Variants in ZNF804B observed in about 807,000 individuals in gnomAD.
ZNF804B encodes the protein zinc finger 804B.
A neutral mutation model predicts 101.4 loss-of-function variants in ZNF804B; 80 were observed. The ratio of observed to expected loss-of-function variants is 0.79; its 90% CI spans 0.66 to 0.95. The LOEUF is 0.95. Among genes scored for constraint, ZNF804B ranks in the 40% least tolerant of loss-of-function variants. The probability of loss-of-function intolerance (pLI) is 0.00; values close to 1 mark genes in which losing one functional copy is unlikely to be tolerated. For missense variants in ZNF804B, 1,673 were observed against 1,561.9 expected, an observed-to-expected ratio of 1.07 and a Z score of -1.20; for synonymous variants, 622 against 558.8, an observed-to-expected ratio of 1.11 and a Z score of -1.59.
At chr7:88,879,496 T>C (rs1792000623) in intron 1 of ZNF804B, among the ~76,000 whole-genome samples, 1 of 152,126 alleles carries the variant, frequency 6.6e-6, no homozygotes, top group African/African-American at 2.4e-5. Context: ...TCAAGAAGTA[T>C]GGAATTTATG....
intron 1 of ZNF804B, among the ~76,000 whole-genome samples, chr7:89,035,914 T>A (rs899946638): frequency 1.4e-5 from 2 of 145,138 alleles, no homozygotes; most frequent in Non-Finnish European, 3.0e-5. Flanking sequence ...ATTTATATAT[T>A]ATATATAATA....
intron 1 of ZNF804B, among the ~76,000 whole-genome samples, chr7:89,030,830 AG>A (rs1274836500): frequency 2.0e-5 from 3 of 152,072 alleles, no homozygotes; most frequent in Admixed American, 6.6e-5. Context: ...GTTTTAATGA[AG>A]TGTGGTTTCT....
chr7:89,117,813 G>A lies in ZNF804B; in HGVS notation c.109-100342G>A, dbSNP rs147132671. Reference sequence around the variant, plus strand: ...TTTATTTCATAGCTGGCATATAAATGTAAAACCACACTTTGAAACTTTAAA... The same window carrying A: ...TTTATTTCATAGCTGGCATATAAATATAAAACCACACTTTGAAACTTTAAA... On this transcript the variant is annotated intron_variant, in intron 1 of 3. Coordinates refer to ENST00000333190, the MANE Select transcript of ZNF804B (RefSeq NM_181646.5). 8.1e-3 allele frequency among the ~76,000 whole-genome samples: 1,234 copies of A among 152,278 alleles called. 23 individuals carry two copies. The highest frequency in any genetic ancestry group is 0.028 in the African/African-American group (1,175 of 41,570).
intron 1 of ZNF804B, among the ~76,000 whole-genome samples, chr7:89,072,685 A>G (rs1030090232): frequency 1.3e-5 from 2 of 152,170 alleles, no homozygotes; most frequent in Admixed American, 1.3e-4. Context: ...GTGACATGAG[A>G]CTATGTAAAT....
intron 1 of ZNF804B, among the ~76,000 whole-genome samples, chr7:89,176,051 T>C (rs972268356): frequency 2.0e-5 from 3 of 152,154 alleles, no homozygotes; most frequent in Non-Finnish European, 4.4e-5. Flanking sequence ...TCTCAATTTC[T>C]TTCTCATGTC....
intron 2 of ZNF804B, among the ~76,000 whole-genome samples, chr7:89,225,734 A>G (rs531026434): frequency 6.6e-6 from 1 of 152,294 alleles, no homozygotes; most frequent in Non-Finnish European, 1.5e-5. Context: ...TTATAATTTA[A>G]GAAAATATTT....
intron 1 of ZNF804B, among the ~76,000 whole-genome samples, chr7:88,975,058 A>T (rs1793597182): frequency 6.6e-6 from 1 of 151,474 alleles, no homozygotes; most frequent in Admixed American, 6.6e-5. Context: ...GGCTTATTTC[A>T]CTTAAAATAA....
At chr7:89,284,053 T>C (rs1380585377) in intron 2 of ZNF804B, among the ~76,000 whole-genome samples, 2 of 152,324 alleles carry the variant, frequency 1.3e-5, no homozygotes, top group Non-Finnish European at 2.9e-5. Context: ...TTTATCAAAA[T>C]GTACACACAC....
chr7:89,105,629 A>T (rs578023043), intron 1 of ZNF804B, among the ~76,000 whole-genome samples: 1 of 152,090 alleles, frequency 6.6e-6, no homozygotes, highest in African/African-American at 2.4e-5. Flanking sequence ...ACCATCATCA[A>T]CACAGAAGAC....
At chr7:89,039,651 CT>C (rs66747843) in intron 1 of ZNF804B, among the ~76,000 whole-genome samples, 74,921 of 149,510 alleles carry the variant, frequency 0.5, 19,092 homozygotes, top group Middle Eastern at 0.54. Flanking sequence ...CTTCAAGTGT[CT>C]TTTTTTTTTC....
At chr7:89,070,780 A>T (rs374264543) in intron 1 of ZNF804B, among the ~76,000 whole-genome samples, 2 of 151,802 alleles carry the variant, frequency 1.3e-5, no homozygotes, top group African/African-American at 4.8e-5. Context: ...AGGACCATTG[A>T]TTTTTTTTCT....
chr7:88,816,977 C>T (rs1424430360), intron 1 of ZNF804B, among the ~76,000 whole-genome samples: 2 of 150,662 alleles, frequency 1.3e-5, no homozygotes, highest in South Asian at 2.1e-4. Flanking sequence ...GACTTGGAAC[C>T]AACCCAAATG....
intron 1 of ZNF804B, among the ~76,000 whole-genome samples, chr7:89,082,278 A>T (rs1392792350): frequency 6.6e-6 from 1 of 151,746 alleles, no homozygotes. Flanking sequence ...TGCAAAATAG[A>T]TAATTTTTAT....
In ZNF804B at chr7:88,873,068, T is replaced by A. The variant is rs1391406092; in HGVS notation, c.108+112984T>A. On this transcript the variant is annotated intron_variant, in intron 1 of 3. Transcript: ENST00000333190. ...ACACTGACTTCCACAATGGTTGAAC[T>A]AGTTTACAGTCCCACCAACAGTGTA... Among the ~76,000 whole-genome samples, 83 of 151,866 alleles carry A rather than the reference T, an allele frequency of 5.5e-4. 1 individual carries two copies. Among genetic ancestry groups the A allele is most frequent in the African/African-American group, 1.9e-3 (78 of 41,336 alleles).
intron 1 of ZNF804B, among the ~76,000 whole-genome samples, chr7:88,905,089 G>A (rs1321218058): frequency 1.3e-5 from 2 of 152,044 alleles, no homozygotes; most frequent in Non-Finnish European, 2.9e-5. Context: ...TTGGTATGTT[G>A]TATATGGCTC....
rs1268200305 is a variant in ZNF804B at position 89,207,972 on chromosome 7, T to TA, written c.109-10182dup. The stretch of plus-strand genomic sequence containing the variant: ...GTCTGATTTTACTGGTGAGCGCTGA[T>TA]ATGTTCTGTATTAGAGAAACTGATA... On this transcript the variant is annotated intron_variant, in intron 1 of 3. Transcript: ENST00000333190. Among the ~76,000 whole-genome samples, 4 of 152,158 alleles carry TA rather than the reference T, an allele frequency of 2.6e-5. No individual in the cohort carries two copies. The South Asian group carries it at 6.2e-4, about 24-fold the overall frequency.
At chr7:88,791,405 T>C (rs1790379467) in intron 1 of ZNF804B, among the ~76,000 whole-genome samples, 1 of 152,148 alleles carries the variant, frequency 6.6e-6, no homozygotes, top group African/African-American at 2.4e-5. Context: ...TTTCCAGTTA[T>C]TTTCATAGTG....
At chr7:89,242,358 T>C (rs1318232121) in intron 2 of ZNF804B, among the ~76,000 whole-genome samples, 1 of 151,968 alleles carries the variant, frequency 6.6e-6, no homozygotes. Context: ...ACCTTGCTTT[T>C]TTCCCCTATA....
chr7:89,294,058 CT>C (rs2115904100), intron 2 of ZNF804B, among the ~76,000 whole-genome samples: 1 of 152,288 alleles, frequency 6.6e-6, no homozygotes, highest in African/African-American at 2.4e-5. Flanking sequence ...GGCTCACATT[CT>C]TTCTCTTCTT....
Sources: gnomAD v4.1 joint callset for allele counts (sites outside exome capture counted in the v4.1 genomes callset) on GRCh38, gnomAD v4.1.1 for gene constraint, MANE v1.5 for transcripts, NCBI Gene and HGNC (gene_info 2026-07-23, HGNC 2026-07-21) for gene names.